Variants in MFAP2 observed in about 807,000 individuals in gnomAD.
MFAP2 encodes microfibril associated protein 2, also known as microfibrillar-associated protein 2.
In MFAP2, 23 loss-of-function variants were observed where a neutral mutation model predicts 30.6. The observed-to-expected ratio is 0.75, with a 90% CI of 0.54 to 1.07. MFAP2 has a LOEUF of 1.07. Among genes scored for constraint, MFAP2 ranks in the 50% least tolerant of loss-of-function variants. The pLI is 0.00. For missense variants in MFAP2, 198 were observed against 223.8 expected (o/e 0.88, Z 0.74); for synonymous variants, 73 against 85.7 (o/e 0.85, Z 0.82).
At position 16,975,285 on chromosome 1, in the gene MFAP2, A is replaced by C; in HGVS notation, c.432T>G (p.His144Gln). ...KEICVRTVCA[H>Q]EELLRADLCR... ...CCTTCCTACCTCGGAGGAGCTCCTC[A>C]TGGGCACACACTGTACGAACACAGA... Residue 144 changes from histidine to glutamine, a missense_variant, in exon 8 of 9, where the codon CAT becomes CAG. His to Gln is a conservative substitution (Grantham distance 24). Coordinates refer to ENST00000375535, the MANE Select transcript of MFAP2 (RefSeq NM_002403.4). This position sits in a 1 kb window ranked among gnomAD's most constrained non-coding sequence, Gnocchi z 5.0. 6.2e-7 allele frequency: 1 copy of C among 1,613,386 alleles called. No individual in the cohort carries two copies. The highest frequency in any genetic ancestry group is 8.5e-7 in the Non-Finnish European group (1 of 1,179,666).
rs2076609637 is a variant in MFAP2, at chr1:16,978,280, A to G, written c.-7T>C. The G allele has an allele frequency of 6.3e-7, 1 of 1,576,948 alleles. No homozygotes were observed. Among genetic ancestry groups the G allele is most frequent in the East Asian group, 2.3e-5 (1 of 43,812 alleles). ...AGAGGTAGGCAGCTCTCATGGCAAC[A>G]AAGAGGCAGGCCGGGGTGGTGTCAG... On this transcript the variant is annotated 5_prime_UTR_variant, in exon 2 of 9. Coordinates refer to ENST00000375535, the MANE Select transcript of MFAP2 (RefSeq NM_002403.4).
chr1:16,977,055 C>A (rs2076598861), intron 3 of MFAP2, 54 bp downstream of exon 3: 1 of 1,612,890 alleles, frequency 6.2e-7, no homozygotes, highest in African/African-American at 1.3e-5. Context: ...CGGTCCCTGG[C>A]TGAGCCAGGC....
Position 16,976,057 on chromosome 1 carries a change from C to T in MFAP2, c.287-327G>A. 2.1e-6 allele frequency: 1 copy of T among 469,900 alleles called. No individual in the cohort carries two copies. The highest frequency in any genetic ancestry group is 3.9e-6 in the Non-Finnish European group (1 of 258,196). 29.1% of individuals were successfully genotyped at this position (469,900 alleles called of 1,614,324 possible). On this transcript the variant is annotated intron_variant, in intron 6 of 8. Transcript: ENST00000375535. This position sits in a 1 kb window ranked among gnomAD's most constrained non-coding sequence, Gnocchi z 5.5. ...ACAGAAGCCCACATAGGAGCGCTCA[C>T]ACCAACCCACACGAGAGTGAGCACA...
rs2076594612 is a variant in MFAP2, at chr1:16,976,707, C to A, written c.241+1G>T. 6.2e-7 allele frequency: 1 copy of A among 1,613,674 alleles called. No individual in the cohort carries two copies. The highest frequency in any genetic ancestry group is 8.5e-7 in the Non-Finnish European group (1 of 1,179,824). ...GGGTGGGAGCAGGGTCTGGGGCCTA[C>A]CTGGGGTTGGGGCTGGGATGACTTC... On this transcript the variant is annotated splice_donor_variant, in intron 5 of 8. Coordinates refer to ENST00000375535, the MANE Select transcript of MFAP2 (RefSeq NM_002403.4). LOFTEE classifies it high-confidence loss of function. The surrounding 1 kb of genome is among the most constrained non-coding windows in gnomAD (Gnocchi z 5.5).
At position 16,976,526 on chromosome 1, in the gene MFAP2, C is replaced by T; in HGVS notation, c.261G>A (p.Leu87=). 2 of 1,614,250 alleles carry T rather than the reference C, an allele frequency of 1.2e-6. No individual in the cohort carries two copies. The highest frequency in any genetic ancestry group is 1.7e-6 in the Non-Finnish European group (2 of 1,180,042). The part of the protein sequence containing the change: ...APTPEPGNAE[L]EPTEPGPLDC... ...CAAGAGGCCCAGGCTCTGTGGGCTC[C>T]AGCTCTGCATTTCCTGGTTCTGGTG... Residue 87 remains leucine (L), a synonymous_variant, in exon 6 of 9, where the codon CTG becomes CTA. Transcript: ENST00000375535. The surrounding 1 kb of genome is among the most constrained non-coding windows in gnomAD (Gnocchi z 5.5).
chr1:16,978,118 G>A, intron 2 of MFAP2, 119 bp downstream of exon 2: 1 of 1,142,692 alleles, frequency 8.8e-7, no homozygotes, highest in Non-Finnish European at 1.2e-6. Context: ...GGCCCTGGGA[G>A]CTGGGGAGCT....
Position 16,975,852 on chromosome 1 carries a change from A to C in MFAP2, c.287-122T>G. 1 of 720,226 alleles carries C rather than the reference A, an allele frequency of 1.4e-6. No individual in the cohort carries two copies. The highest frequency in any genetic ancestry group is 2.7e-5 in the Admixed American group (1 of 36,982). The allele number at this position is 720,226 out of a possible 1,614,324, so 44.6% of individuals were successfully genotyped here. A position where few individuals can be genotyped will look rare whatever the true frequency, so the allele number is the denominator to read the frequency against. On this transcript the variant is annotated intron_variant, in intron 6 of 8. Transcript: ENST00000375535. The surrounding 1 kb of genome is among the most constrained non-coding windows in gnomAD (Gnocchi z 5.0). ...ACCTTCAGGCCCCGTGCAGACACCC[A>C]TACCTACACATGCCCACATAGACCC...
Position 16,976,598 on chromosome 1 carries a change from C to A in MFAP2, c.242-53G>T. ...ATCACTGGGAGGGGTCTCCTCAGGG[C>A]AAGGGGAGTCACCTCTCCCAGCCCT... On this transcript the variant is annotated intron_variant, in intron 5 of 8. Transcript: ENST00000375535. This position sits in a 1 kb window ranked among gnomAD's most constrained non-coding sequence, Gnocchi z 5.5. 1 of 1,613,208 alleles carries A rather than the reference C, an allele frequency of 6.2e-7. No homozygotes were observed. The highest frequency in any genetic ancestry group is 1.1e-5 in the South Asian group (1 of 91,068).
In MFAP2 at chr1:16,975,084, C is replaced by T; in HGVS notation, c.449-61G>A. The stretch of plus-strand genomic sequence containing the variant: ...AGCTGGGTGATGGGAACCGCTGCCC[C>T]TCCCCCAACTCTGGTGATGGGAGTG... On this transcript the variant is annotated intron_variant, in intron 8 of 8. Transcript: ENST00000375535. This position sits in a 1 kb window ranked among gnomAD's most constrained non-coding sequence, Gnocchi z 5.0. 1 of 1,346,620 alleles carries T rather than the reference C, an allele frequency of 7.4e-7. No individual in the cohort carries two copies. The highest frequency in any genetic ancestry group is 1.0e-6 in the Non-Finnish European group (1 of 959,876). The allele number at this position is 1,346,620 out of a possible 1,614,324, so 83.4% of individuals were successfully genotyped here. A position where few individuals can be genotyped will look rare whatever the true frequency, so the allele number is the denominator to read the frequency against.
Position 16,975,640 on chromosome 1 carries a change from C to T in MFAP2, c.374+3G>A. ...CTCCCGACAGCTGCCCATCTGTGCT[C>T]ACCTGTAGAAGCAGACCTCGTTGAG... On this transcript the variant is annotated splice_donor_region_variant and intron_variant, in intron 7 of 8. Coordinates refer to ENST00000375535, the MANE Select transcript of MFAP2 (RefSeq NM_002403.4). This position sits in a 1 kb window ranked among gnomAD's most constrained non-coding sequence, Gnocchi z 5.0. 6.2e-7 allele frequency: 1 copy of T among 1,613,916 alleles called. No individual in the cohort carries two copies. Among genetic ancestry groups the T allele is most frequent in the East Asian group, 2.2e-5 (1 of 44,874 alleles).
intron 2 of MFAP2, 110 bp from the exon 3 acceptor site, chr1:16,977,308 A>G (rs2076601894): frequency 1.1e-6 from 1 of 951,244 alleles, no homozygotes; most frequent in Admixed American, 2.5e-5. Flanking sequence ...ATAAGAGCCT[A>G]GGACCCCACA....
Position 16,976,258 on chromosome 1 carries a change from T to A in MFAP2, c.286+243A>T. On this transcript the variant is annotated intron_variant, in intron 6 of 8. Transcript: ENST00000375535. The surrounding 1 kb of genome is among the most constrained non-coding windows in gnomAD (Gnocchi z 5.5). The stretch of plus-strand genomic sequence containing the variant: ...CACTCCCTGCCCCTCCCAGTATCTG[T>A]GAGGTCAGGGGCCTTCCTAGGCTGC... 1 of 599,212 alleles carries A rather than the reference T, an allele frequency of 1.7e-6. No homozygotes were observed. Among genetic ancestry groups the A allele is most frequent in the East Asian group, 2.8e-5 (1 of 35,978 alleles). 37.1% of individuals were successfully genotyped at this position (599,212 alleles called of 1,614,324 possible).
chr1:16,980,266 G>GGCCCCCCCCCCCCC (rs1557656617), intron 1 of MFAP2, among the ~76,000 whole-genome samples: 1 of 66,636 alleles, frequency 1.5e-5, no homozygotes, highest in African/African-American at 6.5e-5. Flanking sequence ...ATTCCCACCG[G>GGCCCCCCCCCCCCC]ACCCCCCCCC....
chr1:16,980,625 G>T (rs1316069906), upstream of MFAP2: 1 of 152,420 alleles, frequency 6.6e-6, no homozygotes, highest in Admixed American at 6.6e-5. Flanking sequence ...GAGTCCGCCC[G>T]CCGGAGCCGC....
At chr1:16,977,302 G>C (rs1012199521) in intron 2 of MFAP2, 104 bp from the exon 3 acceptor site, 1 of 1,038,080 alleles carries the variant, frequency 9.6e-7, no homozygotes, top group Non-Finnish European at 1.4e-6. Flanking sequence ...AGGCCCATAA[G>C]AGCCTAGGAC....
chr1:16,981,244 G>A (rs1009875500), upstream of MFAP2, among the ~76,000 whole-genome samples: 4 of 152,076 alleles, frequency 2.6e-5, no homozygotes, highest in Non-Finnish European at 4.4e-5. Flanking sequence ...CATCCTCCTG[G>A]GCTGTTGGGA....
rs2076583286 is a variant in MFAP2, at chr1:16,975,563, TGGC to T, written c.374+77_374+79del. 10 of 1,455,668 alleles carry T rather than the reference TGGC, an allele frequency of 6.9e-6. No homozygotes were observed. In the East Asian group the frequency reaches 2.1e-4, roughly 31 times the overall value. 90.2% of individuals were successfully genotyped at this position (1,455,668 alleles called of 1,614,324 possible). A position where few individuals can be genotyped will look rare whatever the true frequency, so the allele number is the denominator to read the frequency against. On this transcript the variant is annotated intron_variant, in intron 7 of 8. Coordinates refer to ENST00000375535, the MANE Select transcript of MFAP2 (RefSeq NM_002403.4). This position sits in a 1 kb window ranked among gnomAD's most constrained non-coding sequence, Gnocchi z 5.0. ...ACTATCTTTCCTCCAACTCCCACCTTGGCGGGCCAGAGCTGTCCCCTGTGCCCT... is the reference window on the plus strand; with the variant it reads ...ACTATCTTTCCTCCAACTCCCACCTTGGGCCAGAGCTGTCCCCTGTGCCCT...
At position 16,975,583 on chromosome 1, in the gene MFAP2, C is replaced by CTG; in HGVS notation, c.374+58_374+59dup. ...CACCTTGGCGGGCCAGAGCTGTCCCCTGTGCCCTCTAGCCCCCCATGCTCC... is the reference window on the plus strand; with the variant it reads ...CACCTTGGCGGGCCAGAGCTGTCCCCTGTGTGCCCTCTAGCCCCCCATGCTCC... On this transcript the variant is annotated intron_variant, in intron 7 of 8. Coordinates refer to ENST00000375535, the MANE Select transcript of MFAP2 (RefSeq NM_002403.4). This position sits in a 1 kb window ranked among gnomAD's most constrained non-coding sequence, Gnocchi z 5.0. 6.5e-7 allele frequency: 1 copy of CTG among 1,537,842 alleles called. No individual in the cohort carries two copies. Among genetic ancestry groups the CTG allele is most frequent in the Non-Finnish European group, 9.0e-7 (1 of 1,115,428 alleles).
intron 2 of MFAP2, 111 bp from the exon 3 acceptor site, chr1:16,977,309 G>GT: frequency 1.0e-6 from 1 of 958,670 alleles, no homozygotes; most frequent in Non-Finnish European, 1.6e-6. Context: ...TAAGAGCCTA[G>GT]GACCCCACAA....
Sources: gnomAD v4.1 joint callset for allele counts (sites outside exome capture counted in the v4.1 genomes callset) on GRCh38, gnomAD v4.1.1 for gene constraint, Gnocchi (gnomAD v3.1) non-coding constraint, MANE v1.5 for transcripts, NCBI Gene and HGNC (gene_info 2026-07-23, HGNC 2026-07-21) for gene names.